The following RGS7 variants were observed in gnomAD, a reference collection of about 807,000 sequenced individuals.
The protein encoded by RGS7 is regulator of G protein signaling 7.
In RGS7, 27 loss-of-function variants were observed where a neutral mutation model predicts 81.1. The observed-to-expected ratio is 0.33, with a 90% CI of 0.25 to 0.46. The LOEUF (loss-of-function observed/expected upper bound fraction) is 0.46. RGS7 is among the 20% of genes least tolerant of loss of function. The pLI is 1.00. For missense variants in RGS7, 396 were observed against 607.4 expected (o/e 0.65, Z 3.66); for synonymous variants, 208 against 207.7 (o/e 1.00, Z -0.01).
intron 2 of RGS7, among the ~76,000 whole-genome samples, chr1:241,133,649 G>C (rs1055593312): frequency 6.6e-6 from 1 of 152,070 alleles, no homozygotes; most frequent in Non-Finnish European, 1.5e-5. Context: ...GATTATAAAC[G>C]TAATTTCCCT....
chr1:241,089,615 A>G (rs2063738979), intron 3 of RGS7, among the ~76,000 whole-genome samples: 2 of 152,150 alleles, frequency 1.3e-5, no homozygotes, highest in South Asian at 4.1e-4. Flanking sequence ...ATTTTTGTAT[A>G]ACAAATATAA....
intron 18 of RGS7, among the ~76,000 whole-genome samples, chr1:240,797,261 T>A (rs972191448): frequency 2.0e-5 from 3 of 152,208 alleles, no homozygotes; most frequent in African/African-American, 7.2e-5. Flanking sequence ...TGATCAGTCA[T>A]CCTACCCTGT....
At chr1:241,170,895 T>C (rs1045706091) in intron 2 of RGS7, among the ~76,000 whole-genome samples, 2 of 151,690 alleles carry the variant, frequency 1.3e-5, no homozygotes, top group Admixed American at 1.3e-4. Context: ...GAGGACTCAA[T>C]AGTAGAAGCA....
chr1:241,355,664 T>A, intron 2 of RGS7, 35 bp downstream of exon 2: 1 of 1,589,720 alleles, frequency 6.3e-7, no homozygotes, highest in Non-Finnish European at 8.6e-7. Context: ...AAGCCGGAAG[T>A]TTCCCGTTTT....
intron 2 of RGS7, among the ~76,000 whole-genome samples, chr1:241,184,095 C>T (rs898430335): frequency 6.6e-6 from 1 of 152,090 alleles, no homozygotes. Flanking sequence ...AGAAAGGAAG[C>T]TTATACCAGG....
chr1:240,972,061 T>C (rs1683285022), intron 4 of RGS7, among the ~76,000 whole-genome samples: 1 of 152,192 alleles, frequency 6.6e-6, no homozygotes, highest in Non-Finnish European at 1.5e-5. Flanking sequence ...TCTAACAAAA[T>C]GGAGTATCCA....
At chr1:241,034,090 T>C (rs1225354412) in intron 3 of RGS7, among the ~76,000 whole-genome samples, 1 of 152,186 alleles carries the variant, frequency 6.6e-6, no homozygotes, top group Non-Finnish European at 1.5e-5. Context: ...TCAACAAATA[T>C]TGAATATTGG....
At chr1:240,882,140 C>T (rs1666512660) in intron 6 of RGS7, among the ~76,000 whole-genome samples, 1 of 152,076 alleles carries the variant, frequency 6.6e-6, no homozygotes. Flanking sequence ...GTCTTGAACC[C>T]CTGAGCACAA....
Position 241,313,206 on chromosome 1 carries a change from C to CA in RGS7, c.78+42492dup, listed in dbSNP as rs2080657788. 2.0e-5 allele frequency among the ~76,000 whole-genome samples: 3 copies of CA among 152,172 alleles called. 1 individual carries two copies. In the South Asian group the frequency reaches 6.2e-4, roughly 32 times the overall value. On this transcript the variant is annotated intron_variant, in intron 2 of 18. Coordinates refer to ENST00000440928, the MANE Select transcript of RGS7 (RefSeq NM_001364886.1). ...GATGAAGAAGCTGCAGTAAGTTTTC[C>CA]AAAAGATCTAGCCAAGAGAATTGAT...
chr1:241,308,886 ACTT>A (rs1455653497), intron 2 of RGS7, among the ~76,000 whole-genome samples: 1 of 152,250 alleles, frequency 6.6e-6, no homozygotes, highest in Non-Finnish European at 1.5e-5. Flanking sequence ...GCAGGAACTC[ACTT>A]CTTAGCACAT....
rs112266625 is a variant in RGS7 at position 240,899,762 on chromosome 1, T to A, written c.386-29643A>T. Among the ~76,000 whole-genome samples, 22 of 152,288 alleles carry A rather than the reference T, an allele frequency of 1.4e-4. 1 individual carries two copies. The South Asian group carries it at 4.3e-3, about 30-fold the overall frequency. On this transcript the variant is annotated intron_variant, in intron 6 of 18. Coordinates refer to ENST00000440928, the MANE Select transcript of RGS7 (RefSeq NM_001364886.1). ...CTTTGGTGAATCTGACAATTATGTGTCTTAGAGTTGCTCTTCTCGAGGTGT... is the reference window on the plus strand; with the variant it reads ...CTTTGGTGAATCTGACAATTATGTGACTTAGAGTTGCTCTTCTCGAGGTGT...
At chr1:241,287,496 G>C (rs1365331771) in intron 2 of RGS7, among the ~76,000 whole-genome samples, 4 of 152,120 alleles carry the variant, frequency 2.6e-5, no homozygotes, top group African/African-American at 9.7e-5. Flanking sequence ...ATGATTATGA[G>C]GCTTCCCCAG....
intron 3 of RGS7, among the ~76,000 whole-genome samples, chr1:241,033,237 C>T (rs2060168315): frequency 6.6e-6 from 1 of 151,968 alleles, no homozygotes; most frequent in African/African-American, 2.4e-5. Flanking sequence ...TGTGGTCCCA[C>T]CTACCCAGGA....
intron 4 of RGS7, among the ~76,000 whole-genome samples, chr1:240,950,733 G>T (rs1332024238): frequency 2.0e-5 from 3 of 152,156 alleles, no homozygotes; most frequent in African/African-American, 7.2e-5. Flanking sequence ...ATTCTCTGAG[G>T]TGAAATACTT....
At chr1:241,095,678 T>C (rs752619714) in intron 3 of RGS7, among the ~76,000 whole-genome samples, 66 of 152,092 alleles carry the variant, frequency 4.3e-4, no homozygotes, top group Non-Finnish European at 8.1e-4. Flanking sequence ...ACAAATAATG[T>C]ATGGTGATAA....
chr1:241,118,775 GAACT>G (rs1314662686), intron 2 of RGS7, among the ~76,000 whole-genome samples: 1 of 152,126 alleles, frequency 6.6e-6, no homozygotes, highest in Non-Finnish European at 1.5e-5. Context: ...TATCCTAAGT[GAACT>G]AACTTAGAAA....
rs559474181 is a variant in RGS7 at position 241,268,507 on chromosome 1, C to T, written c.78+87192G>A. On this transcript the variant is annotated intron_variant, in intron 2 of 18. Coordinates refer to ENST00000440928, the MANE Select transcript of RGS7 (RefSeq NM_001364886.1). ...GGGTGGGCTACTGCCCTGCAGGGTG[C>T]TTGGGCTCCCTGAGGTCTGAGTTCT... is the stretch of plus-strand genomic sequence containing the variant. 3.3e-5 allele frequency among the ~76,000 whole-genome samples: 5 copies of T among 152,286 alleles called. No homozygotes were observed. In the South Asian group the frequency reaches 1.0e-3, roughly 32 times the overall value.
intron 4 of RGS7, among the ~76,000 whole-genome samples, chr1:240,948,903 T>C (rs1325888739): frequency 2.0e-5 from 3 of 151,594 alleles, no homozygotes; most frequent in African/African-American, 4.8e-5. Context: ...TTGGTATCCC[T>C]GTAAAGTAGT....
chr1:241,300,590 T>G (rs141087118), intron 2 of RGS7, among the ~76,000 whole-genome samples: 126 of 152,366 alleles, frequency 8.3e-4, no homozygotes, highest in African/African-American at 2.9e-3. Flanking sequence ...TTCCATAGCT[T>G]GACAGCTCAT....
Sources: gnomAD v4.1 joint callset for allele counts (sites outside exome capture counted in the v4.1 genomes callset) on GRCh38, gnomAD v4.1.1 for gene constraint, MANE v1.5 for transcripts, NCBI Gene and HGNC (gene_info 2026-07-23, HGNC 2026-07-21) for gene names.